Variants in FBXO33 observed in about 807,000 individuals in gnomAD.
The protein encoded by FBXO33 is F-box protein 33.
A neutral mutation model predicts 46.3 loss-of-function variants in FBXO33; 22 were observed. The observed-to-expected ratio is 0.48, with a 90% confidence interval of 0.34 to 0.68. The LOEUF is 0.68. FBXO33 is among the 30% of genes least tolerant of loss of function. The pLI is 0.01. For synonymous variants in FBXO33, 337 were observed against 291.3 expected (o/e 1.16, Z -1.60); for missense variants, 692 against 708.8 (o/e 0.98, Z 0.27).
At chr14:39,405,330 T>A (rs1053570941) in intron 1 of FBXO33, among the ~76,000 whole-genome samples, 1 of 152,214 alleles carries the variant, frequency 6.6e-6, no homozygotes, top group South Asian at 2.1e-4. Context: ...AGCCTCAAGC[T>A]ACATATCAGA....
intron 1 of FBXO33, among the ~76,000 whole-genome samples, chr14:39,408,617 A>G (rs577533467): frequency 1.3e-5 from 2 of 151,112 alleles, no homozygotes; most frequent in South Asian, 4.2e-4. Context: ...GATTCAAGCA[A>G]TTCTCCTGCC....
intron 1 of FBXO33, among the ~76,000 whole-genome samples, chr14:39,418,776 A>G (rs1165954779): frequency 1.5e-5 from 2 of 134,982 alleles, no homozygotes; most frequent in Middle Eastern, 4.1e-3. Flanking sequence ...CTCCGTCTCA[A>G]AAAAAAAAAA....
intron 1 of FBXO33, among the ~76,000 whole-genome samples, chr14:39,410,930 C>G (rs1384359561): frequency 1.3e-5 from 2 of 151,662 alleles, no homozygotes; most frequent in African/African-American, 4.8e-5. Context: ...TTTTGTTTAC[C>G]TTTTCAAAAA....
intron 1 of FBXO33, among the ~76,000 whole-genome samples, chr14:39,416,019 A>C (rs2075447041): frequency 6.6e-6 from 1 of 152,224 alleles, no homozygotes; most frequent in Admixed American, 6.5e-5. Context: ...TTTATTAACC[A>C]GTAGTACAAT....
intron 1 of FBXO33, among the ~76,000 whole-genome samples, chr14:39,407,864 T>C (rs1431876753): frequency 6.6e-6 from 1 of 152,224 alleles, no homozygotes; most frequent in Non-Finnish European, 1.5e-5. Context: ...TGAATCTCCA[T>C]ACTGCTTTCC....
intron 1 of FBXO33, among the ~76,000 whole-genome samples, chr14:39,426,835 G>A (rs1173878013): frequency 6.6e-6 from 1 of 152,152 alleles, no homozygotes; most frequent in African/African-American, 2.4e-5. Flanking sequence ...TTGCCACCTA[G>A]TGACTATTAC....
intron 1 of FBXO33, among the ~76,000 whole-genome samples, chr14:39,424,629 T>C (rs189277678): frequency 6.6e-6 from 1 of 152,348 alleles, no homozygotes; most frequent in Admixed American, 6.5e-5. Context: ...AAAAATCCCA[T>C]TCTCAATTAT....
intron 1 of FBXO33, among the ~76,000 whole-genome samples, chr14:39,424,767 T>C (rs984242072): frequency 4.6e-5 from 7 of 152,146 alleles, no homozygotes; most frequent in Admixed American, 1.3e-4. Flanking sequence ...TAAGTATGTA[T>C]GTTAAGGCTG....
At chr14:39,426,544 A>G (rs956003077) in intron 1 of FBXO33, among the ~76,000 whole-genome samples, 6 of 152,208 alleles carry the variant, frequency 3.9e-5, no homozygotes, top group Non-Finnish European at 8.8e-5. Context: ...AATATATTCC[A>G]AACTTCATTA....
intron 1 of FBXO33, among the ~76,000 whole-genome samples, chr14:39,428,977 G>T (rs904042742): frequency 6.6e-6 from 1 of 152,166 alleles, no homozygotes; most frequent in Non-Finnish European, 1.5e-5. Flanking sequence ...GTTACCCTCA[G>T]AGAGGCACTT....
rs1468592640 is a variant in FBXO33 at position 39,431,839 on chromosome 14, C to A, written c.324G>T (p.Trp108Cys). The change falls in exon 1 of 4, where the codon TGG (tryptophan) becomes TGT (cysteine). Residue 108 changes from tryptophan (W) to cysteine (C), a missense_variant. By Grantham distance (215) the Trp-to-Cys change is radical (BLOSUM62 -2). Around this residue, in one of 3 missense-constraint regions of FBXO33, gnomAD observed 412 missense variants for 370.8 expected, o/e 1.11. Coordinates refer to ENST00000298097, the MANE Select transcript of FBXO33 (RefSeq NM_203301.4). ...CGCGGAGGCAGATGCGGAGCTGGGG[C>A]CACAGGGCCGGATAGAAGAGGCACT... ...WRECLFYPAL[W>C]PQLRICLRVS... 1.2e-6 allele frequency: 2 copies of A among 1,604,210 alleles called. No individual in the cohort carries two copies. The highest frequency in any genetic ancestry group is 2.7e-5 in the African/African-American group (2 of 74,880).
rs566655930 is a variant in FBXO33, at chr14:39,427,186, T to C, written c.599+4378A>G. ...CAGTCAAAAAATTTTAACTTTTTTT[T>C]CCTTGAGTTTTACACCCTATTCCAT... On this transcript the variant is annotated intron_variant, in intron 1 of 3. Transcript: ENST00000298097. Among the ~76,000 whole-genome samples, 35 of 152,364 alleles carry C rather than the reference T, an allele frequency of 2.3e-4. 1 individual carries two copies. The highest frequency in any genetic ancestry group is 3.5e-4 in the Non-Finnish European group (24 of 68,032).
intron 1 of FBXO33, among the ~76,000 whole-genome samples, chr14:39,415,336 T>A (rs976783104): frequency 6.6e-6 from 1 of 152,062 alleles, no homozygotes. Context: ...AACAAAGATA[T>A]AACAAGAAAC....
rs552839893 is a variant in FBXO33 at position 39,413,872 on chromosome 14, G to A, written c.600-11361C>T. On this transcript the variant is annotated intron_variant, in intron 1 of 3. Transcript: ENST00000298097. ...TGTATACAGATGTGCTATCATCCAC[G>A]CTATGTTGTTCCACTTATGGAGCAC... Among the ~76,000 whole-genome samples, 22 of 152,260 alleles carry A rather than the reference G, an allele frequency of 1.4e-4. No homozygotes were observed. The East Asian group carries it at 3.3e-3, about 23-fold the overall frequency.
intron 1 of FBXO33, among the ~76,000 whole-genome samples, chr14:39,428,981 G>A (rs938894962): frequency 6.6e-6 from 1 of 152,154 alleles, no homozygotes; most frequent in Non-Finnish European, 1.5e-5. Flanking sequence ...CCCTCAGAGA[G>A]GCACTTATGC....
chr14:39,400,603 A>T (rs1427230452), intron 3 of FBXO33, among the ~76,000 whole-genome samples: 1 of 152,214 alleles, frequency 6.6e-6, no homozygotes, highest in Non-Finnish European at 1.5e-5. Flanking sequence ...CTAATAAGAG[A>T]GTTTAAGACA....
rs933888849 is a variant in FBXO33, at chr14:39,432,401, C to T, written c.-239G>A. ...CGTACTGTAAGGAAAAGGCAGCCCT[C>T]CCTGCGCCGGTCGGCAGAGACAGAG... On this transcript the variant is annotated 5_prime_UTR_variant, in exon 1 of 4. Coordinates refer to ENST00000298097, the MANE Select transcript of FBXO33 (RefSeq NM_203301.4). 3.9e-5 allele frequency: 10 copies of T among 258,294 alleles called. No homozygotes were observed. The highest frequency in any genetic ancestry group is 5.5e-5 in the Admixed American group (1 of 18,160). 16.0% of individuals were successfully genotyped at this position (258,294 alleles called of 1,614,324 possible).
At chr14:39,422,983 G>A (rs960993714) in intron 1 of FBXO33, among the ~76,000 whole-genome samples, 1 of 151,996 alleles carries the variant, frequency 6.6e-6, no homozygotes, top group Non-Finnish European at 1.5e-5. Flanking sequence ...TTAGCTAGGT[G>A]TGGTGGCGTG....
intron 1 of FBXO33, among the ~76,000 whole-genome samples, chr14:39,403,482 G>A (rs72675487): frequency 0.27 from 40,678 of 151,896 alleles, 5,649 homozygotes; most frequent in East Asian, 0.5. Flanking sequence ...TGGAATCCCA[G>A]CTGAACTGGG....
Sources: gnomAD v4.1 joint callset for allele counts (sites outside exome capture counted in the v4.1 genomes callset) on GRCh38, gnomAD v4.1.1 for gene constraint, gnomAD v4.1.1 regional missense constraint, MANE v1.5 for transcripts, NCBI Gene and HGNC (gene_info 2026-07-23, HGNC 2026-07-21) for gene names.